KLF8: variants seen among roughly 807,000 people sequenced by gnomAD.
KLF8 encodes the protein Krueppel-like factor 8.
In KLF8, 10 loss-of-function variants were observed where a neutral mutation model predicts 18.2. That is an observed-to-expected ratio of 0.55 (90% CI 0.34 to 0.93). The LOEUF (loss-of-function observed/expected upper bound fraction) is 0.93. KLF8 is among the 40% of genes least tolerant of loss of function. KLF8 has a pLI of 0.02. For missense variants in KLF8, 264 were observed against 277.9 expected, an observed-to-expected ratio of 0.95 and a Z score of 0.36; for synonymous variants, 109 against 97.3, an observed-to-expected ratio of 1.12 and a Z score of -0.71.
the KLF8 span, among the ~76,000 whole-genome samples, chrX:55,973,126 G>T: frequency 8.9e-6 from 1 of 111,777 alleles, no homozygotes; most frequent in African/African-American, 3.2e-5. Context: ...TTTTCAAGTA[G>T]TGGTGATAGC....
chrX:56,209,539 T>A, the KLF8 span, among the ~76,000 whole-genome samples: 1 of 111,610 alleles, frequency 9.0e-6, no homozygotes, highest in East Asian at 2.8e-4. Flanking sequence ...TGAGGCAGGA[T>A]AATTGCTTGA....
the KLF8 span, among the ~76,000 whole-genome samples, chrX:56,121,041 C>G: frequency 9.1e-6 from 1 of 109,752 alleles, no homozygotes; most frequent in African/African-American, 3.3e-5. Flanking sequence ...AAAAAATTAG[C>G]CGGACGTGGT....
At chrX:55,910,587 A>T in the KLF8 span, among the ~76,000 whole-genome samples, 1 of 111,933 alleles carries the variant, frequency 8.9e-6, no homozygotes, top group Non-Finnish European at 1.9e-5. Flanking sequence ...AGTGCGGGAT[A>T]TAAGGTCAGT....
the KLF8 span, among the ~76,000 whole-genome samples, chrX:55,989,152 G>A: frequency 9.0e-6 from 1 of 111,709 alleles, no homozygotes; most frequent in Non-Finnish European, 1.9e-5. Flanking sequence ...CTGCAAACAG[G>A]GACAATTTGA....
chrX:56,052,083 A>T, the KLF8 span, among the ~76,000 whole-genome samples: 1 of 111,649 alleles, frequency 9.0e-6, no homozygotes, highest in Non-Finnish European at 1.9e-5. Flanking sequence ...CTTCTGCATT[A>T]TTCACGTAGT....
chrX:56,136,547 C>T, the KLF8 span, among the ~76,000 whole-genome samples: 1 of 111,531 alleles, frequency 9.0e-6, no homozygotes, highest in Non-Finnish European at 1.9e-5. Context: ...AACTGGCTAG[C>T]CATATTTAGG....
the KLF8 span, among the ~76,000 whole-genome samples, chrX:56,171,455 T>C: frequency 5.9e-4 from 66 of 111,562 alleles, no homozygotes; most frequent in South Asian, 0.025. Context: ...ACATGTGCCA[T>C]GTTGGTGTGC....
chrX:56,135,352 C>T, the KLF8 span, among the ~76,000 whole-genome samples: 1 of 111,248 alleles, frequency 9.0e-6, no homozygotes, highest in African/African-American at 3.3e-5. Flanking sequence ...ACATATACAC[C>T]ATGGAATACT....
the KLF8 span, among the ~76,000 whole-genome samples, chrX:56,193,934 TTTAA>T: frequency 5.4e-5 from 6 of 111,976 alleles, no homozygotes; most frequent in African/African-American, 1.6e-4. Context: ...ATAAAAATAG[TTTAA>T]TTATACATTT....
the KLF8 span, among the ~76,000 whole-genome samples, chrX:55,998,808 A>AG: frequency 1.2e-4 from 8 of 67,711 alleles, no homozygotes; most frequent in Non-Finnish European, 1.8e-4. Context: ...TTGGTCTTTT[A>AG]ATTTTTTTTT....
chrX:56,278,559 C>T (rs1288706267), intron 5 of KLF8, among the ~76,000 whole-genome samples: 1 of 111,261 alleles, frequency 9.0e-6, no homozygotes, highest in African/African-American at 3.3e-5. Context: ...CTGCCCTCAC[C>T]TCTCCTCAAG....
chrX:56,160,937 G>A, the KLF8 span, among the ~76,000 whole-genome samples: 7 of 111,230 alleles, frequency 6.3e-5, no homozygotes, highest in Non-Finnish European at 1.1e-4. Context: ...TCATTATGAT[G>A]TTAGCTGGTT....
chrX:55,982,955 C>T, the KLF8 span, among the ~76,000 whole-genome samples: 4 of 111,937 alleles, frequency 3.6e-5, no homozygotes, highest in African/African-American at 1.3e-4. Context: ...ACAGCCTATA[C>T]TTATCACACA....
chrX:55,960,021 A>G, the KLF8 span, among the ~76,000 whole-genome samples: 1 of 111,937 alleles, frequency 8.9e-6, no homozygotes, highest in Non-Finnish European at 1.9e-5. Flanking sequence ...TACAAAGGGA[A>G]CCCCATTAAG....
At chrX:56,200,698 T>A in the KLF8 span, among the ~76,000 whole-genome samples, 2 of 111,171 alleles carry the variant, frequency 1.8e-5, no homozygotes, top group Non-Finnish European at 3.8e-5. Context: ...GAAAAAATAT[T>A]TGCCAGCCAT....
the KLF8 span, among the ~76,000 whole-genome samples, chrX:55,919,698 C>A: frequency 9.0e-6 from 1 of 111,239 alleles, no homozygotes; most frequent in South Asian, 3.9e-4. Flanking sequence ...CACACCCCAG[C>A]CCCTACAGCA....
At chrX:56,124,150 G>A in the KLF8 span, among the ~76,000 whole-genome samples, 4 of 111,822 alleles carry the variant, frequency 3.6e-5, no homozygotes, top group African/African-American at 1.3e-4. Context: ...CAAAACAAAT[G>A]AAATGTAGGC....
intron 3 of KLF8, chrX:56,266,998 G>A: frequency 1.3e-6 from 1 of 753,279 alleles, no homozygotes. Flanking sequence ...TATGAAGGGA[G>A]AGCCAAACAA....
intron 5 of KLF8, among the ~76,000 whole-genome samples, chrX:56,280,472 G>T (rs916632246): frequency 8.0e-5 from 9 of 112,310 alleles, no homozygotes; most frequent in African/African-American, 2.9e-4. Flanking sequence ...CTGGACTCAA[G>T]TGATCCTCCC....
Sources: gnomAD v4.1 joint callset for allele counts (sites outside exome capture counted in the v4.1 genomes callset) on GRCh38, gnomAD v4.1.1 for gene constraint, MANE v1.5 for transcripts, NCBI Gene and HGNC (gene_info 2026-07-23, HGNC 2026-07-21) for gene names.